GABRB1: variants seen among roughly 807,000 people sequenced by gnomAD.
GABRB1 encodes the protein gamma-aminobutyric acid type A receptor subunit beta1.
GABRB1 carries 17 observed loss-of-function variants against 51.6 expected under a neutral mutation model. The observed-to-expected ratio is 0.33, with a 90% confidence interval of 0.23 to 0.49. The LOEUF is 0.49. Ranked by LOEUF, GABRB1 falls within the 20% of genes least tolerant of loss-of-function variation. The pLI, the probability that GABRB1 is intolerant of heterozygous loss-of-function variation, is 0.99. For missense variants in GABRB1, 410 were observed against 600.6 expected (o/e 0.68, Z 3.32); for synonymous variants, 247 against 218.9 (o/e 1.13, Z -1.14).
intron 5 of GABRB1, among the ~76,000 whole-genome samples, chr4:47,375,497 A>G (rs530164404): frequency 3.0e-4 from 46 of 152,240 alleles, no homozygotes; most frequent in Non-Finnish European, 6.3e-4. Context: ...ACTTACCCCA[A>G]TAAAAGCTCC....
At chr4:47,031,784 TG>T (rs1725313526) in intron 1 of GABRB1, 53 bp downstream of exon 1, 9 of 1,558,774 alleles carry the variant, frequency 5.8e-6, no homozygotes, top group Middle Eastern at 1.7e-4. Flanking sequence ...CTTTTTTTCT[TG>T]GTATGTTTCT....
intron 8 of GABRB1, among the ~76,000 whole-genome samples, 186 bp from the exon 9 acceptor site, chr4:47,425,477 TGATGATAGATA>T (rs1560380483): frequency 1.1e-5 from 1 of 94,030 alleles, no homozygotes; most frequent in African/African-American, 3.9e-5. Context: ...GGATGGATGA[TGATGATAGATA>T]GATAGATAGA....
chr4:47,019,559 C>G (rs1193759998), intron 1 of GABRB1, among the ~76,000 whole-genome samples: 3 of 150,918 alleles, frequency 2.0e-5, no homozygotes, highest in Non-Finnish European at 4.4e-5. Flanking sequence ...TTCTCTCTCT[C>G]TCTCTCTCTC....
At chr4:47,082,405 T>TTA (rs1727888614) in intron 3 of GABRB1, among the ~76,000 whole-genome samples, 1 of 152,104 alleles carries the variant, frequency 6.6e-6, no homozygotes, top group Non-Finnish European at 1.5e-5. Context: ...TGAATAGATG[T>TTA]TATAAAGGCC....
intron 4 of GABRB1, among the ~76,000 whole-genome samples, chr4:47,248,522 A>G (rs1399663939): frequency 1.3e-5 from 2 of 152,096 alleles, no homozygotes; most frequent in African/African-American, 4.8e-5. Flanking sequence ...GGCTTCATAG[A>G]ATGAATTAGA....
chr4:47,075,408 T>A (rs569985578), intron 3 of GABRB1, among the ~76,000 whole-genome samples: 19 of 152,200 alleles, frequency 1.2e-4, no homozygotes, highest in Admixed American at 6.5e-4. Flanking sequence ...CAGGGCTGTT[T>A]TCATAAAGGC....
At chr4:47,001,386 C>G (rs1278960704) in intron 1 of GABRB1, among the ~76,000 whole-genome samples, 1 of 152,172 alleles carries the variant, frequency 6.6e-6, no homozygotes, top group African/African-American at 2.4e-5. Flanking sequence ...TCGTGATTCT[C>G]CCGCCTTGGC....
intron 1 of GABRB1, among the ~76,000 whole-genome samples, chr4:47,012,228 T>C (rs1724602633): frequency 6.6e-6 from 1 of 152,208 alleles, no homozygotes; most frequent in Non-Finnish European, 1.5e-5. Flanking sequence ...CAGAAGTACA[T>C]GTGCAGGTTT....
At chr4:47,222,682 A>G (rs1468573227) in intron 4 of GABRB1, among the ~76,000 whole-genome samples, 2 of 152,256 alleles carry the variant, frequency 1.3e-5, no homozygotes, top group Non-Finnish European at 2.9e-5. Context: ...CTAGAAAACT[A>G]CTGAGCTCAG....
At chr4:47,275,098 T>C (rs1459059048) in intron 4 of GABRB1, among the ~76,000 whole-genome samples, 1 of 152,170 alleles carries the variant, frequency 6.6e-6, no homozygotes, top group East Asian at 1.9e-4. Context: ...CCCAGTCAGC[T>C]TCCTGGAACA....
At chr4:47,112,661 C>T (rs1393625547) in intron 3 of GABRB1, among the ~76,000 whole-genome samples, 1 of 152,052 alleles carries the variant, frequency 6.6e-6, no homozygotes, top group Non-Finnish European at 1.5e-5. Context: ...GTTATGTACC[C>T]AATATCCATA....
chr4:47,251,844 C>A (rs926881253), intron 4 of GABRB1, among the ~76,000 whole-genome samples: 2 of 152,148 alleles, frequency 1.3e-5, no homozygotes, highest in Admixed American at 6.5e-5. Flanking sequence ...CTGTGCCCCA[C>A]CTAACAGCCC....
At chr4:47,204,156 G>A (rs1720019221) in intron 4 of GABRB1, among the ~76,000 whole-genome samples, 1 of 152,142 alleles carries the variant, frequency 6.6e-6, no homozygotes, top group Non-Finnish European at 1.5e-5. Flanking sequence ...ATCTGGAACT[G>A]CTTACATGAT....
intron 5 of GABRB1, among the ~76,000 whole-genome samples, chr4:47,382,052 C>G (rs952713807): frequency 1.3e-5 from 2 of 152,138 alleles, no homozygotes; most frequent in African/African-American, 4.8e-5. Flanking sequence ...GACTGAATTA[C>G]AAAACGATTT....
intron 4 of GABRB1, among the ~76,000 whole-genome samples, chr4:47,272,976 GTAATGATGAGT>G (rs1447146163): frequency 3.3e-4 from 1 of 3,032 alleles, no homozygotes; most frequent in African/African-American, 4.5e-3. Context: ...AACCGTTACT[GTAATGATGAGT>G]TCACTGTAGT....
intron 3 of GABRB1, among the ~76,000 whole-genome samples, chr4:47,109,309 A>G (rs1302474102): frequency 6.6e-6 from 1 of 152,108 alleles, no homozygotes; most frequent in African/African-American, 2.4e-5. Flanking sequence ...GGTGATCATT[A>G]AAGTCCCTTT....
chr4:47,340,795 G>C lies in GABRB1; in HGVS notation c.544+20586G>C, dbSNP rs566569104. ...TTTGGCAAACTCAAACCTGGGAAAG[G>C]AGATTCTGAAAAAAAATTTTCACCA... is the stretch of plus-strand genomic sequence containing the variant. On this transcript the variant is annotated intron_variant, in intron 5 of 8. Coordinates refer to ENST00000295454, the MANE Select transcript of GABRB1 (RefSeq NM_000812.4). 3.9e-5 allele frequency among the ~76,000 whole-genome samples: 6 copies of C among 152,056 alleles called. No individual in the cohort carries two copies. The East Asian group carries it at 9.7e-4, about 24-fold the overall frequency.
intron 5 of GABRB1, among the ~76,000 whole-genome samples, chr4:47,329,898 T>G (rs1725411261): frequency 6.6e-6 from 1 of 151,972 alleles, no homozygotes; most frequent in African/African-American, 2.4e-5. Flanking sequence ...TATAAGGAAT[T>G]GGCTCACGCA....
At position 47,124,350 on chromosome 4, in the gene GABRB1, C is replaced by A. The variant is rs1043519698; in HGVS notation, c.241-36899C>A. Among the ~76,000 whole-genome samples the A allele has an allele frequency of 2.6e-5, 4 of 152,114 alleles. No individual in the cohort carries two copies. In the South Asian group the frequency reaches 8.3e-4, roughly 32 times the overall value. On this transcript the variant is annotated intron_variant, in intron 3 of 8. Transcript: ENST00000295454. Reference sequence around the variant, plus strand: ...GCAATCCTGGAGGCAGTACCATTAGCCCCAGCATGAGAAGGTCTGTACCTG... The same window carrying A: ...GCAATCCTGGAGGCAGTACCATTAGACCCAGCATGAGAAGGTCTGTACCTG...
Sources: gnomAD v4.1 joint callset for allele counts (sites outside exome capture counted in the v4.1 genomes callset) on GRCh38, gnomAD v4.1.1 for gene constraint, MANE v1.5 for transcripts, NCBI Gene and HGNC (gene_info 2026-07-23, HGNC 2026-07-21) for gene names.